SEMA6D: variants seen among roughly 807,000 people sequenced by gnomAD.
SEMA6D encodes the protein semaphorin-6D.
In SEMA6D, 35 loss-of-function variants were observed where a neutral mutation model predicts 106.6. That is an observed-to-expected ratio of 0.33 (90% CI 0.25 to 0.44). The LOEUF is 0.44. SEMA6D is among the 20% of genes least tolerant of loss of function. The probability of loss-of-function intolerance (pLI) is 1.00; values close to 1 mark genes in which losing one functional copy is unlikely to be tolerated. For synonymous variants in SEMA6D, 499 were observed against 487.7 expected, an observed-to-expected ratio of 1.02 and a Z score of -0.31; for missense variants, 1,185 against 1,345.9, an observed-to-expected ratio of 0.88 and a Z score of 1.87.
At chr15:47,578,868 C>T (rs2076204959) in intron 3 of SEMA6D, among the ~76,000 whole-genome samples, 1 of 152,142 alleles carries the variant, frequency 6.6e-6, no homozygotes, top group African/African-American at 2.4e-5. Flanking sequence ...ATTAAGGATA[C>T]TTGTCAAAGT....
intron 3 of SEMA6D, among the ~76,000 whole-genome samples, chr15:47,528,812 C>A (rs1283059913): frequency 1.3e-5 from 2 of 152,284 alleles, no homozygotes; most frequent in East Asian, 1.9e-4. Flanking sequence ...GACCTTTGAT[C>A]AATTCAGGGG....
intron 4 of SEMA6D, among the ~76,000 whole-genome samples, chr15:47,688,382 A>G (rs1566987903): frequency 1.3e-5 from 2 of 152,198 alleles, no homozygotes; most frequent in African/African-American, 2.4e-5. Flanking sequence ...TGAATAAAGC[A>G]TGAATGTTCA....
intron 3 of SEMA6D, among the ~76,000 whole-genome samples, chr15:47,595,215 A>T (rs1345328946): frequency 6.6e-6 from 1 of 152,224 alleles, no homozygotes; most frequent in African/African-American, 2.4e-5. Context: ...GGGTTGTTAT[A>T]TATGGCCTTT....
intron 1 of SEMA6D, among the ~76,000 whole-genome samples, chr15:47,351,747 A>G (rs918581713): frequency 1.3e-5 from 2 of 152,174 alleles, no homozygotes; most frequent in South Asian, 2.1e-4. Context: ...TGTTCTAACC[A>G]TGACTCAAAT....
chr15:47,343,750 A>G (rs1446443846), intron 1 of SEMA6D, among the ~76,000 whole-genome samples: 1 of 152,202 alleles, frequency 6.6e-6, no homozygotes, highest in Admixed American at 6.5e-5. Flanking sequence ...AGCATGATTT[A>G]TAATCCTTTG....
rs3743279 is a variant in SEMA6D, at chr15:47,764,022, A to G, written c.920A>G (p.Asn307Ser). ...TCTATTACAGACATAATACAAATCA[A>G]TGGCATCCCCACTGTGGTCGGGGTG... ...LQSITDIIQI[N>S]GIPTVVGVFT... The change falls in exon 10 of 19, where the codon AAT becomes AGT. Residue 307 changes from asparagine (N) to serine (S), a missense_variant. Physicochemically the swap from Asn to Ser is conservative, Grantham distance 46. Transcript: ENST00000536845. 0.02 allele frequency: 31,508 copies of G among 1,613,834 alleles called. 2,915 individuals carry two copies. The African/African-American group carries it at 0.24, about 12-fold the overall frequency.
At chr15:47,467,130 GATA>G (rs1163316185) in intron 2 of SEMA6D, among the ~76,000 whole-genome samples, 1 of 152,006 alleles carries the variant, frequency 6.6e-6, no homozygotes. Flanking sequence ...TCTTCACAAG[GATA>G]ATAATTTTTG....
chr15:47,687,082 AAG>A (rs1491036835), intron 4 of SEMA6D, among the ~76,000 whole-genome samples: 114 of 151,724 alleles, frequency 7.5e-4, no homozygotes, highest in African/African-American at 2.5e-3. Context: ...AAAAAAAAAA[AAG>A]AAGTACTATT....
intron 1 of SEMA6D, among the ~76,000 whole-genome samples, chr15:47,389,099 C>T (rs2039942646): frequency 1.3e-5 from 2 of 152,184 alleles, no homozygotes; most frequent in Admixed American, 1.3e-4. Context: ...ATCTGTTCCA[C>T]AGACACAGTG....
At chr15:47,405,600 T>A (rs1595917620) in intron 1 of SEMA6D, among the ~76,000 whole-genome samples, 2 of 152,174 alleles carry the variant, frequency 1.3e-5, no homozygotes, top group Non-Finnish European at 2.9e-5. Context: ...ACAAAATTAG[T>A]CCTTGACACC....
intron 2 of SEMA6D, among the ~76,000 whole-genome samples, chr15:47,417,131 T>A (rs1306571683): frequency 3.3e-5 from 5 of 152,086 alleles, no homozygotes; most frequent in African/African-American, 4.8e-5. Flanking sequence ...ATAATGTGTT[T>A]TATCAACCAC....
rs2033199691 is a variant in SEMA6D, at chr15:47,246,376, C to T, written c.-239+61958C>T. ...AGCTAAAGCATGAGGGACACAAGTACAGCCTACGGTACAGGGCTGAAGGAG... is the reference window on the plus strand; with the variant it reads ...AGCTAAAGCATGAGGGACACAAGTATAGCCTACGGTACAGGGCTGAAGGAG... On this transcript the variant is annotated intron_variant, in intron 1 of 19. Coordinates refer to the SEMA6D transcript ENST00000558014. Among the ~76,000 whole-genome samples the T allele has an allele frequency of 4.6e-5, 7 of 152,126 alleles. No homozygotes were observed. In the South Asian group the frequency reaches 1.5e-3, roughly 32 times the overall value.
intron 1 of SEMA6D, among the ~76,000 whole-genome samples, chr15:47,218,504 G>C (rs2141328361): frequency 6.6e-6 from 1 of 152,258 alleles, no homozygotes; most frequent in Middle Eastern, 3.4e-3. Flanking sequence ...GTTGGAAATT[G>C]GAAGGTACCT....
intron 1 of SEMA6D, among the ~76,000 whole-genome samples, chr15:47,720,471 TGATGGATTTGAAA>T (rs916154558): frequency 5.9e-5 from 9 of 152,152 alleles, no homozygotes; most frequent in Admixed American, 5.9e-4. Flanking sequence ...TTTGATGGGT[TGATGGATTTGAAA>T]GATGGCTGTG....
chr15:47,316,541 T>TGG (rs113596885), intron 1 of SEMA6D, among the ~76,000 whole-genome samples: 101 of 151,192 alleles, frequency 6.7e-4, no homozygotes, highest in African/African-American at 2.4e-3. Flanking sequence ...AGGATTTTTT[T>TGG]GGGGGGGGTT....
At chr15:47,520,115 T>C (rs1419669649) in intron 3 of SEMA6D, among the ~76,000 whole-genome samples, 1 of 152,190 alleles carries the variant, frequency 6.6e-6, no homozygotes, top group Non-Finnish European at 1.5e-5. Flanking sequence ...TGTCTGGGCA[T>C]GTGCAGTTCT....
chr15:47,615,759 C>G (rs1344517732), intron 4 of SEMA6D, among the ~76,000 whole-genome samples: 2 of 152,218 alleles, frequency 1.3e-5, no homozygotes, highest in African/African-American at 4.8e-5. Context: ...TTATTTGACA[C>G]TCATGCAAGC....
chr15:47,361,392 G>A (rs2038798200), intron 1 of SEMA6D, among the ~76,000 whole-genome samples: 1 of 152,196 alleles, frequency 6.6e-6, no homozygotes. Flanking sequence ...GGGGAAAATA[G>A]CATCAAACTA....
At chr15:47,674,009 G>A (rs778461174) in intron 4 of SEMA6D, among the ~76,000 whole-genome samples, 13 of 152,018 alleles carry the variant, frequency 8.6e-5, no homozygotes, top group South Asian at 2.1e-4. Flanking sequence ...TCCTTTTGGC[G>A]GGTTTGTCTC....
Sources: allele counts gnomAD v4.1 joint callset (sites outside exome capture counted in the v4.1 genomes callset), GRCh38; gene constraint gnomAD v4.1.1; transcripts MANE v1.5; gene names NCBI Gene and HGNC (gene_info 2026-07-23, HGNC 2026-07-21).